Variants in TTLL11 observed in about 807,000 individuals in gnomAD.
TTLL11 encodes tubulin polyglutamylase TTLL11.
TTLL11 carries 42 observed loss-of-function variants against 51.7 expected under a neutral mutation model. That is an observed-to-expected ratio of 0.81 (90% CI 0.64 to 1.05). The LOEUF (loss-of-function observed/expected upper bound fraction) is 1.05. Among genes scored for constraint, TTLL11 ranks in the 50% least tolerant of loss-of-function variants. TTLL11 has a pLI of 0.00. For missense variants in TTLL11, 799 were observed against 940.4 expected (o/e 0.85, Z 1.97); for synonymous variants, 381 against 383.5 (o/e 0.99, Z 0.08).
intron 1 of TTLL11, among the ~76,000 whole-genome samples, chr9:122,050,345 C>A (rs73662575): frequency 0.027 from 4,044 of 152,258 alleles, 168 homozygotes; most frequent in African/African-American, 0.093. Flanking sequence ...TGAGTAAGGA[C>A]ACTGCGGTGT....
chr9:122,067,614 T>C (rs562333124), intron 1 of TTLL11, among the ~76,000 whole-genome samples: 1 of 152,148 alleles, frequency 6.6e-6, no homozygotes, highest in Admixed American at 6.6e-5. Flanking sequence ...CAGGATCTTC[T>C]GCCTCAGTCT....
chr9:121,829,738 A>G (rs1198507414), intron 8 of TTLL11, among the ~76,000 whole-genome samples: 1 of 151,792 alleles, frequency 6.6e-6, no homozygotes, highest in Non-Finnish European at 1.5e-5. Context: ...TTTTCCAAAT[A>G]AGATAATGCA....
intron 6 of TTLL11, among the ~76,000 whole-genome samples, chr9:121,917,110 T>A (rs571134721): frequency 4.1e-4 from 62 of 152,166 alleles, no homozygotes; most frequent in Non-Finnish European, 7.4e-4. Context: ...TACTGGTTTA[T>A]GTTTAGGGCT....
intron 3 of TTLL11, among the ~76,000 whole-genome samples, chr9:122,027,706 T>C (rs1844390520): frequency 1.3e-5 from 2 of 152,092 alleles, no homozygotes; most frequent in South Asian, 2.1e-4. Flanking sequence ...TTCAGACAAA[T>C]GAAAGCTGAG....
At chr9:122,005,828 G>A (rs1843626049) in intron 3 of TTLL11, among the ~76,000 whole-genome samples, 2 of 152,192 alleles carry the variant, frequency 1.3e-5, no homozygotes, top group Admixed American at 1.3e-4. Context: ...TTCCAGGGGT[G>A]TTTCTCACTG....
chr9:121,978,599 A>G (rs1357460900), intron 4 of TTLL11, among the ~76,000 whole-genome samples: 1 of 152,156 alleles, frequency 6.6e-6, no homozygotes, highest in Non-Finnish European at 1.5e-5. Flanking sequence ...GAGCTTTTCA[A>G]CCATGTGATA....
chr9:122,073,412 A>AAAATG lies in TTLL11; in HGVS notation c.462+19270_462+19274dup, dbSNP rs1307792672. 2.0e-5 allele frequency among the ~76,000 whole-genome samples: 3 copies of AAAATG among 152,278 alleles called. No homozygotes were observed. In the East Asian group the frequency reaches 5.8e-4, roughly 29 times the overall value. On this transcript the variant is annotated intron_variant, in intron 1 of 8. Coordinates refer to ENST00000321582, the MANE Select transcript of TTLL11 (RefSeq NM_001139442.2). ...GCAACAAAGTGAGACTCCATCTCAG[A>AAAATG]AAATGAAATAAAATAAAATAAAATC...
intron 4 of TTLL11, chr9:121,988,870 G>A: frequency 2.2e-6 from 1 of 459,088 alleles, no homozygotes; most frequent in Non-Finnish European, 3.7e-6. Context: ...ATGAGTAAGT[G>A]AATGAATGAA....
At chr9:121,961,576 C>T (rs902960978) in intron 6 of TTLL11, among the ~76,000 whole-genome samples, 1 of 152,168 alleles carries the variant, frequency 6.6e-6, no homozygotes, top group Admixed American at 6.5e-5. Flanking sequence ...CATCTCTATT[C>T]CTGCTGCCCC....
intron 6 of TTLL11, among the ~76,000 whole-genome samples, chr9:121,947,188 G>C (rs1841700432): frequency 6.6e-6 from 1 of 152,124 alleles, no homozygotes; most frequent in African/African-American, 2.4e-5. Flanking sequence ...AGTCTTTTGA[G>C]CTGGTTGTTA....
chr9:121,858,626 G>A lies in TTLL11; in HGVS notation c.1840+1711C>T, dbSNP rs570982590. The stretch of plus-strand genomic sequence containing the variant: ...AGTTTCTGGCCCACATGGGTGTAGG[G>A]CAGGATTGGCTAGGGGTGCAACAGC... On this transcript the variant is annotated intron_variant, in intron 8 of 8. Transcript: ENST00000321582. Among the ~76,000 whole-genome samples the A allele has an allele frequency of 3.1e-3, 471 of 152,306 alleles. 2 individuals are homozygous for A. The highest frequency in any genetic ancestry group is 6.7e-3 in the Admixed American group (102 of 15,298).
In TTLL11 at chr9:121,822,609, T is replaced by A; in HGVS notation, c.2111A>T (p.His704Leu). The A allele has an allele frequency of 6.8e-7, 1 of 1,474,450 alleles. No homozygotes were observed. The highest frequency in any genetic ancestry group is 9.0e-7 in the Non-Finnish European group (1 of 1,112,540). The allele number at this position is 1,474,450 out of a possible 1,614,324, so 91.3% of individuals were successfully genotyped here. The change falls in exon 9 of 9, where the codon CAT becomes CTT. Residue 704 changes from histidine to leucine, a missense_variant. Around this residue, in one of 3 missense-constraint regions of TTLL11, gnomAD observed 165 missense variants for 166.1 expected, o/e 0.99. Transcript: ENST00000321582. This position sits in a 1 kb window ranked among gnomAD's most constrained non-coding sequence, Gnocchi z 5.8. ...PRTSCANKLS[H>L]PRHTLS ...CCCTCAGGACAGGGTATGTCTGGGA[T>A]GGGAGAGCTTATTGGCACAGCTGGT...
At chr9:121,896,281 C>T (rs1437021961) in intron 6 of TTLL11, among the ~76,000 whole-genome samples, 3 of 152,172 alleles carry the variant, frequency 2.0e-5, no homozygotes, top group Non-Finnish European at 2.9e-5. Flanking sequence ...TTTCTTACGG[C>T]GCCCAACACG....
At chr9:122,075,621 T>C (rs1564387195) in intron 1 of TTLL11, among the ~76,000 whole-genome samples, 1 of 152,168 alleles carries the variant, frequency 6.6e-6, no homozygotes, top group Non-Finnish European at 1.5e-5. Context: ...AGGAACATCT[T>C]TGCAACCTGC....
rs147212505 is a variant in TTLL11, at chr9:121,874,266, T to G, written c.1482-3518A>C. Among the ~76,000 whole-genome samples, 1,094 of 152,352 alleles carry G rather than the reference T, an allele frequency of 7.2e-3. 5 individuals carry two copies. The highest frequency in any genetic ancestry group is 8.9e-3 in the African/African-American group (371 of 41,582). On this transcript the variant is annotated intron_variant, in intron 6 of 8. Transcript: ENST00000321582. The stretch of plus-strand genomic sequence containing the variant: ...TGCCTTGGCCAGCCTCCCAATATCT[T>G]GGGATTATAGGCATGAGCCTCTGCA...
chr9:121,979,104 T>C (rs1842776577), intron 4 of TTLL11, among the ~76,000 whole-genome samples: 1 of 152,222 alleles, frequency 6.6e-6, no homozygotes, highest in African/African-American at 2.4e-5. Flanking sequence ...GGGGGCTTTC[T>C]CTCACTCTCT....
At chr9:121,997,148 C>A (rs1033784743) in intron 3 of TTLL11, among the ~76,000 whole-genome samples, 1 of 152,200 alleles carries the variant, frequency 6.6e-6, no homozygotes, top group Non-Finnish European at 1.5e-5. Context: ...AGAACAGCAG[C>A]CTTCTGTGAG....
intron 3 of TTLL11, among the ~76,000 whole-genome samples, chr9:122,022,141 CA>C (rs1458491391): frequency 6.6e-6 from 1 of 151,684 alleles, no homozygotes; most frequent in Non-Finnish European, 1.5e-5. Context: ...AACTGTGGGA[CA>C]ACTTCAGATG....
At chr9:121,850,636 C>T (rs1588068956) in intron 8 of TTLL11, among the ~76,000 whole-genome samples, 1 of 152,104 alleles carries the variant, frequency 6.6e-6, no homozygotes. Context: ...ATTTGGGCCC[C>T]CAGCTGATTG....
Sources: gnomAD v4.1 joint callset for allele counts (sites outside exome capture counted in the v4.1 genomes callset) on GRCh38, gnomAD v4.1.1 for gene constraint, gnomAD v4.1.1 regional missense constraint, Gnocchi (gnomAD v3.1) non-coding constraint, MANE v1.5 for transcripts, NCBI Gene and HGNC (gene_info 2026-07-23, HGNC 2026-07-21) for gene names.